The following SPATA6L variants were observed in gnomAD, a reference collection of about 807,000 sequenced individuals.
The protein encoded by SPATA6L is spermatogenesis associated 6 like.
A neutral mutation model predicts 49.2 loss-of-function variants in SPATA6L; 68 were observed. The ratio of observed to expected loss-of-function variants is 1.38; its 90% CI spans 1.14 to 1.69. The LOEUF is 1.69. Among genes scored for constraint, SPATA6L ranks in the 40% most tolerant of loss-of-function variants. SPATA6L has a pLI of 0.00. For missense variants in SPATA6L, 668 were observed against 464.3 expected (o/e 1.44, Z -4.03); for synonymous variants, 198 against 165.7 (o/e 1.19, Z -1.50).
At chr9:4,594,288 CA>C (rs1822094415), downstream of SPATA6L, among the ~76,000 whole-genome samples, 4 of 152,226 alleles carry the variant, frequency 2.6e-5, no homozygotes, top group Non-Finnish European at 5.9e-5. Context: ...CAGCTCACTG[CA>C]AGCTCTGCCT....
At chr9:4,627,297 T>C (rs564235577) in intron 5 of SPATA6L, 5 of 157,792 alleles carry the variant, frequency 3.2e-5, no homozygotes, top group African/African-American at 1.2e-4. Flanking sequence ...ACAAATAAAT[T>C]GGAGAGAAGA....
rs772582303 is a variant in SPATA6L, at chr9:4,599,158, C to T, written c.*1653G>A. Among the ~76,000 whole-genome samples the T allele has an allele frequency of 3.3e-5, 5 of 152,140 alleles. No individual in the cohort carries two copies. The highest frequency in any genetic ancestry group is 4.8e-5 in the African/African-American group (2 of 41,442). ...TAATTTGGAGCATGAAACAAAGTTT[C>T]GAATGCATTTGACTGCACCCTGCCA... On this transcript the variant is annotated 3_prime_UTR_variant, in exon 12 of 12. Coordinates refer to ENST00000682582, the MANE Select transcript of SPATA6L (RefSeq NM_001353486.2).
intron 7 of SPATA6L, among the ~76,000 whole-genome samples, chr9:4,619,117 T>C (rs1321374326): frequency 1.3e-5 from 2 of 152,024 alleles, no homozygotes; most frequent in African/African-American, 2.4e-5. Context: ...GTTTTGTTTT[T>C]TGTTTTTGTC....
chr9:4,662,266 G>A lies in SPATA6L; in HGVS notation c.40-230C>T. ...AGGTGTCACAATCGCGCTCTCGCCGGCTCCTCTCCCCGCCCCTCCGGGATG... is the reference window on the plus strand; with the variant it reads ...AGGTGTCACAATCGCGCTCTCGCCGACTCCTCTCCCCGCCCCTCCGGGATG... On this transcript the variant is annotated intron_variant, in intron 1 of 11. Coordinates refer to ENST00000682582, the MANE Select transcript of SPATA6L (RefSeq NM_001353486.2). This position sits in a 1 kb window ranked among gnomAD's most constrained non-coding sequence, Gnocchi z 4.9. 1 of 1,433,388 alleles carries A rather than the reference G, an allele frequency of 7.0e-7. No individual in the cohort carries two copies. The highest frequency in any genetic ancestry group is 9.1e-7 in the Non-Finnish European group (1 of 1,099,060). 88.8% of individuals were successfully genotyped at this position (1,433,388 alleles called of 1,614,324 possible). A position where few individuals can be genotyped will look rare whatever the true frequency, so the allele number is the denominator to read the frequency against.
intron 3 of SPATA6L, among the ~76,000 whole-genome samples, chr9:4,640,309 G>C (rs905837968): frequency 6.6e-6 from 1 of 152,150 alleles, no homozygotes; most frequent in African/African-American, 2.4e-5. Flanking sequence ...AAGATCACTA[G>C]ACTTCTTCAT....
At chr9:4,666,178 G>C in intron 1 of SPATA6L, 34 bp downstream of exon 1, 1 of 1,612,036 alleles carries the variant, frequency 6.2e-7, no homozygotes, top group African/African-American at 1.3e-5. Flanking sequence ...AGTCCGACTT[G>C]AGGTTAAGGA....
chr9:4,650,442 C>T (rs1435294976), intron 3 of SPATA6L, among the ~76,000 whole-genome samples: 5 of 151,916 alleles, frequency 3.3e-5, no homozygotes, highest in Admixed American at 3.3e-4. Context: ...CTAAAGCAAA[C>T]AGAGGAAAGA....
At chr9:4,646,223 G>C (rs191335678) in intron 3 of SPATA6L, 6 of 264,206 alleles carry the variant, frequency 2.3e-5, no homozygotes, top group Non-Finnish European at 4.2e-5. Flanking sequence ...TTAATAATTA[G>C]ATAAAGTTAT....
chr9:4,596,273 A>AG (rs894677407), downstream of SPATA6L, among the ~76,000 whole-genome samples: 1 of 152,122 alleles, frequency 6.6e-6, no homozygotes, highest in Non-Finnish European at 1.5e-5. Flanking sequence ...ATACAAGTTG[A>AG]GTGGGTCCAT....
In SPATA6L at chr9:4,600,483, C is replaced by CGAGAGAGAGAGAGAGAGAGAGAG. The variant is rs1822946258; in HGVS notation, c.*327_*328insCTCTCTCTCTCTCTCTCTCTCTC. On this transcript the variant is annotated 3_prime_UTR_variant, in exon 12 of 12. Coordinates refer to ENST00000682582, the MANE Select transcript of SPATA6L (RefSeq NM_001353486.2). Reference sequence around the variant, plus strand: ...TTTGAGAGAGAGAGACAGAGAGAGCCAGAGAGAGCCAGAGAGAGAGAGAGG... The same window carrying CGAGAGAGAGAGAGAGAGAGAGAG: ...TTTGAGAGAGAGAGACAGAGAGAGCCGAGAGAGAGAGAGAGAGAGAGAGAGAGAGAGCCAGAGAGAGAGAGAGG... The CGAGAGAGAGAGAGAGAGAGAGAG allele has an allele frequency of 1.0e-4, 2 of 19,440 alleles. No homozygotes were observed. 1.2% of individuals were successfully genotyped at this position (19,440 alleles called of 1,614,324 possible). A position where few individuals can be genotyped will look rare whatever the true frequency, so the allele number is the denominator to read the frequency against.
rs368995408 is a variant in SPATA6L at position 4,645,972 on chromosome 9, G to A, written c.226+10069C>T. Among the ~76,000 whole-genome samples, 80 of 152,226 alleles carry A rather than the reference G, an allele frequency of 5.3e-4. No homozygotes were observed. The South Asian group carries it at 0.015, about 29-fold the overall frequency. ...ACTGAATTGTACATTTGAAAATGAC[G>A]AATTATATATGATTTAAATCGCAAT... On this transcript the variant is annotated intron_variant, in intron 3 of 11. Transcript: ENST00000682582.
chr9:4,641,285 A>T (rs936729247), intron 3 of SPATA6L, among the ~76,000 whole-genome samples: 1 of 152,124 alleles, frequency 6.6e-6, no homozygotes, highest in African/African-American at 2.4e-5. Context: ...TATCCACAGG[A>T]GGTTGGTTTC....
In SPATA6L at chr9:4,662,626, C is replaced by T. The variant is rs1232040282; in HGVS notation, c.40-590G>A. ...GCGGGCCCCTCGCAGTCGCCCGCGC[C>T]TCCGCTGCCCGAGGAGGACCGCATG... On this transcript the variant is annotated intron_variant, in intron 1 of 11. Coordinates refer to ENST00000682582, the MANE Select transcript of SPATA6L (RefSeq NM_001353486.2). This position sits in a 1 kb window ranked among gnomAD's most constrained non-coding sequence, Gnocchi z 4.9. The T allele has an allele frequency of 1.9e-5, 31 of 1,596,996 alleles. No individual in the cohort carries two copies. Among genetic ancestry groups the T allele is most frequent in the African/African-American group, 2.7e-5 (2 of 74,854 alleles).
chr9:4,651,427 A>G (rs74384785), intron 3 of SPATA6L, among the ~76,000 whole-genome samples: 6,328 of 152,288 alleles, frequency 0.042, 278 homozygotes, highest in African/African-American at 0.089. Flanking sequence ...TACTACCTTA[A>G]GAATTAACAC....
intron 4 of SPATA6L, among the ~76,000 whole-genome samples, chr9:4,634,208 C>T (rs574012195): frequency 3.3e-4 from 50 of 152,304 alleles, no homozygotes; most frequent in Non-Finnish European, 6.2e-4. Context: ...GTATCCCCTA[C>T]CTAATTCTCA....
At chr9:4,594,102 C>A (rs1373038289), downstream of SPATA6L, among the ~76,000 whole-genome samples, 1 of 152,214 alleles carries the variant, frequency 6.6e-6, no homozygotes. Context: ...CTTCTACTGA[C>A]CACTTTCTGT....
chr9:4,618,557 C>A (rs966094521), intron 8 of SPATA6L, among the ~76,000 whole-genome samples: 1 of 152,136 alleles, frequency 6.6e-6, no homozygotes, highest in Admixed American at 6.5e-5. Context: ...AAGTGATTTA[C>A]CACCTCTATG....
At chr9:4,645,399 G>A (rs1325449458) in intron 3 of SPATA6L, among the ~76,000 whole-genome samples, 4 of 152,102 alleles carry the variant, frequency 2.6e-5, no homozygotes, top group Non-Finnish European at 5.9e-5. Flanking sequence ...AGTTATGGAG[G>A]CTGAGAAGTC....
Position 4,662,984 on chromosome 9 carries a change from C to T in SPATA6L, c.40-948G>A. On this transcript the variant is annotated intron_variant, in intron 1 of 11. Transcript: ENST00000682582. The surrounding 1 kb of genome is among the most constrained non-coding windows in gnomAD (Gnocchi z 4.9). Reference sequence around the variant, plus strand: ...ACCAGATGGACATGTTTGTCACTCTCTCGGTGGACAAGTACTCCTTCCCCT... The same window carrying T: ...ACCAGATGGACATGTTTGTCACTCTTTCGGTGGACAAGTACTCCTTCCCCT... The T allele has an allele frequency of 6.2e-7, 1 of 1,613,022 alleles. No individual in the cohort carries two copies. Among genetic ancestry groups the T allele is most frequent in the Non-Finnish European group, 8.5e-7 (1 of 1,179,898 alleles).
Sources: gnomAD v4.1 joint callset for allele counts (sites outside exome capture counted in the v4.1 genomes callset) on GRCh38, gnomAD v4.1.1 for gene constraint, Gnocchi (gnomAD v3.1) non-coding constraint, MANE v1.5 for transcripts, NCBI Gene and HGNC (gene_info 2026-07-23, HGNC 2026-07-21) for gene names.